Variants in CTNNBIP1 observed in about 807,000 individuals in gnomAD.
The protein encoded by CTNNBIP1 is beta-catenin-interacting protein 1.
CTNNBIP1 carries 7 observed loss-of-function variants against 11.8 expected under a neutral mutation model. That is an observed-to-expected ratio of 0.60 (90% CI 0.34 to 1.12). The LOEUF (loss-of-function observed/expected upper bound fraction) is 1.12, where lower values mean the gene tolerates loss of function less well. Ranked by LOEUF, CTNNBIP1 falls within the 50% of genes most tolerant of loss-of-function variation. CTNNBIP1 has a pLI of 0.03. For synonymous variants in CTNNBIP1, 58 were observed against 43.9 expected (o/e 1.32, Z -1.26); for missense variants, 101 against 113.4 (o/e 0.89, Z 0.50).
chr1:9,876,845 TACACACAC>T (rs34192085), intron 3 of CTNNBIP1, among the ~76,000 whole-genome samples: 7,638 of 138,138 alleles, frequency 0.055, 562 homozygotes, highest in African/African-American at 0.17. Context: ...CTGCTATACA[TACACACAC>T]ACACACACAC....
At chr1:9,875,829 C>T (rs187807897) in intron 3 of CTNNBIP1, among the ~76,000 whole-genome samples, 26 of 152,296 alleles carry the variant, frequency 1.7e-4, no homozygotes, top group African/African-American at 9.6e-5. Flanking sequence ...ACAGAAACAC[C>T]GTGACTGGCT....
chr1:9,871,003 T>A lies in CTNNBIP1; in HGVS notation c.187+184A>T, dbSNP rs1183725825. Among the ~76,000 whole-genome samples, 2 of 152,136 alleles carry A rather than the reference T, an allele frequency of 1.3e-5. No homozygotes were observed. The highest frequency in any genetic ancestry group is 2.9e-5 in the Non-Finnish European group (2 of 68,002). On this transcript the variant is annotated intron_variant, in intron 5 of 5. Transcript: ENST00000377263. This position sits in a 1 kb window ranked among gnomAD's most constrained non-coding sequence, Gnocchi z 5.2. ...ACCTGAGGAAGGAGATGGGATCAGGTGGGAGGCTCCGAAGGTTTCCTGGCT... is the reference window on the plus strand; with the variant it reads ...ACCTGAGGAAGGAGATGGGATCAGGAGGGAGGCTCCGAAGGTTTCCTGGCT...
chr1:9,905,448 A>C lies in CTNNBIP1; in HGVS notation c.-144+4647T>G, dbSNP rs530449732. Among the ~76,000 whole-genome samples, 15 of 147,494 alleles carry C rather than the reference A, an allele frequency of 1.0e-4. No homozygotes were observed. In the South Asian group the frequency reaches 3.2e-3, roughly 32 times the overall value. On this transcript the variant is annotated intron_variant, in intron 1 of 5. Transcript: ENST00000377263. ...TACATTCTTTTTTTTTTTGAGACAG[A>C]GTCTTGCTTAGTCGCCCAGGCTGGA...
At chr1:9,886,374 C>T (rs1351282161) in intron 1 of CTNNBIP1, among the ~76,000 whole-genome samples, 1 of 145,654 alleles carries the variant, frequency 6.9e-6, no homozygotes, top group Non-Finnish European at 1.5e-5. Flanking sequence ...AGCAGCCCCC[C>T]TCCAGTTGTG....
At chr1:9,878,566 C>T (rs1013782612) in intron 2 of CTNNBIP1, among the ~76,000 whole-genome samples, 2 of 152,248 alleles carry the variant, frequency 1.3e-5, no homozygotes, top group Non-Finnish European at 1.5e-5. Context: ...TACAGCCTAG[C>T]CACATGTCTA....
At position 9,871,660 on chromosome 1, in the gene CTNNBIP1, A is replaced by G. The variant is rs2101479923; in HGVS notation, c.96+309T>C. Among the ~76,000 whole-genome samples, 1 of 152,186 alleles carries G rather than the reference A, an allele frequency of 6.6e-6. No individual in the cohort carries two copies. The highest frequency in any genetic ancestry group is 2.4e-5 in the African/African-American group (1 of 41,514). On this transcript the variant is annotated intron_variant, in intron 4 of 5. Coordinates refer to ENST00000377263, the MANE Select transcript of CTNNBIP1 (RefSeq NM_020248.3). This position sits in a 1 kb window ranked among gnomAD's most constrained non-coding sequence, Gnocchi z 5.2. ...CTCCTGTCCTGACAAGTTGTCCCTG[A>G]GCTGCCCCCTGGGAGAGAAGACTTT...
chr1:9,890,983 CAG>C (rs1015520828), intron 1 of CTNNBIP1, among the ~76,000 whole-genome samples: 100 of 152,300 alleles, frequency 6.6e-4, no homozygotes, highest in African/African-American at 2.3e-3. Context: ...GGGTCACCTC[CAG>C]AGAGTGCGAT....
chr1:9,874,686 T>A (rs1316039937), intron 3 of CTNNBIP1, among the ~76,000 whole-genome samples: 4 of 152,206 alleles, frequency 2.6e-5, no homozygotes, highest in Non-Finnish European at 5.9e-5. Context: ...GGCAGGCACT[T>A]AATAAATACT....
Position 9,867,183 on chromosome 1 carries a change from T to A in CTNNBIP1, c.187+4004A>T, listed in dbSNP as rs1402177356. Among the ~76,000 whole-genome samples the A allele has an allele frequency of 2.0e-5, 3 of 151,624 alleles. No individual in the cohort carries two copies. In the East Asian group the frequency reaches 5.8e-4, roughly 29 times the overall value. ...GGAGTGGGAAACAGCCAGTGAGGGG[T>A]GACGTGAAGGACAAGGGAGGGAAAG... On this transcript the variant is annotated intron_variant, in intron 5 of 5. Coordinates refer to ENST00000377263, the MANE Select transcript of CTNNBIP1 (RefSeq NM_020248.3). The surrounding 1 kb of genome is among the most constrained non-coding windows in gnomAD (Gnocchi z 4.6).
intron 1 of CTNNBIP1, among the ~76,000 whole-genome samples, chr1:9,904,218 A>G (rs1291826546): frequency 1.3e-5 from 2 of 152,192 alleles, no homozygotes; most frequent in African/African-American, 4.8e-5. Context: ...GATTCTGCCA[A>G]TAAAATGCCC....
intron 1 of CTNNBIP1, among the ~76,000 whole-genome samples, chr1:9,888,743 TG>T (rs963673644): frequency 5.9e-5 from 9 of 152,184 alleles, no homozygotes; most frequent in African/African-American, 1.9e-4. Context: ...TCTGCTGCCG[TG>T]GGAGTGATTC....
At chr1:9,902,774 CT>C (rs1032838898) in intron 1 of CTNNBIP1, among the ~76,000 whole-genome samples, 10 of 145,040 alleles carry the variant, frequency 6.9e-5, no homozygotes, top group Non-Finnish European at 1.4e-4. Flanking sequence ...TTTTTTTTTT[CT>C]TTTTTTTTGA....
Position 9,906,236 on chromosome 1 carries a change from T to C in CTNNBIP1, c.-144+3859A>G, listed in dbSNP as rs537832022. 2.0e-5 allele frequency among the ~76,000 whole-genome samples: 3 copies of C among 152,278 alleles called. No individual in the cohort carries two copies. In the East Asian group the frequency reaches 5.8e-4, roughly 29 times the overall value. On this transcript the variant is annotated intron_variant, in intron 1 of 5. Coordinates refer to ENST00000377263, the MANE Select transcript of CTNNBIP1 (RefSeq NM_020248.3). Reference sequence around the variant, plus strand: ...GAACCAAGATCCAAACCTGATGGTCTTGGTACAAAGTCCATGGTCTAATTA... The same window carrying C: ...GAACCAAGATCCAAACCTGATGGTCCTGGTACAAAGTCCATGGTCTAATTA...
chr1:9,903,723 C>G (rs1639566720), intron 1 of CTNNBIP1, among the ~76,000 whole-genome samples: 1 of 152,200 alleles, frequency 6.6e-6, no homozygotes, highest in African/African-American at 2.4e-5. Context: ...ACTTAGCTTG[C>G]CCAGGGTCAG....
intron 5 of CTNNBIP1, among the ~76,000 whole-genome samples, chr1:9,868,225 T>C (rs1486341385): frequency 6.6e-6 from 1 of 152,112 alleles, no homozygotes; most frequent in Non-Finnish European, 1.5e-5. Flanking sequence ...TCCCACCACC[T>C]ATTCCGCAAC....
chr1:9,871,510 A>G lies in CTNNBIP1; in HGVS notation c.97-233T>C, dbSNP rs975677486. Among the ~76,000 whole-genome samples the G allele has an allele frequency of 1.3e-5, 2 of 152,050 alleles. No homozygotes were observed. Among genetic ancestry groups the G allele is most frequent in the Admixed American group, 1.3e-4 (2 of 15,270 alleles). ...GCCACTCAGACTGAATCTGAGATTA[A>G]GGTCTGTTCTAGTATAGGGCCAGTG... On this transcript the variant is annotated intron_variant, in intron 4 of 5. Coordinates refer to ENST00000377263, the MANE Select transcript of CTNNBIP1 (RefSeq NM_020248.3). This position sits in a 1 kb window ranked among gnomAD's most constrained non-coding sequence, Gnocchi z 5.2.
rs1438889274 is a variant in CTNNBIP1, at chr1:9,883,977, G to A, written c.-143-239C>T. On this transcript the variant is annotated intron_variant, in intron 1 of 5. Transcript: ENST00000377263. This position sits in a 1 kb window ranked among gnomAD's most constrained non-coding sequence, Gnocchi z 5.6. ...GTCTGAAGATGCTGTGGGCAGGAGG[G>A]AGGGAATCCATGGGGAAGGAGGAAG... 6.6e-6 allele frequency among the ~76,000 whole-genome samples: 1 copy of A among 152,192 alleles called. No individual in the cohort carries two copies. Among genetic ancestry groups the A allele is most frequent in the African/African-American group, 2.4e-5 (1 of 41,456 alleles).
At chr1:9,853,762 G>A (rs1638441993) in intron 5 of CTNNBIP1, among the ~76,000 whole-genome samples, 1 of 152,206 alleles carries the variant, frequency 6.6e-6, no homozygotes, top group Non-Finnish European at 1.5e-5. Context: ...GAGGGGAGAG[G>A]TTGATCTGTG....
At chr1:9,854,105 T>G (rs955356397) in intron 5 of CTNNBIP1, among the ~76,000 whole-genome samples, 2 of 152,200 alleles carry the variant, frequency 1.3e-5, no homozygotes, top group Admixed American at 1.3e-4. Flanking sequence ...CCAGGTGCAG[T>G]GGCTCACGCC....
Sources: allele counts gnomAD v4.1 joint callset (sites outside exome capture counted in the v4.1 genomes callset), GRCh38; gene constraint gnomAD v4.1.1; non-coding constraint Gnocchi (gnomAD v3.1); transcripts MANE v1.5; gene names NCBI Gene and HGNC (gene_info 2026-07-23, HGNC 2026-07-21).